Variants in PLD5 observed in about 807,000 individuals in gnomAD.
PLD5 encodes phospholipase D family member 5.
PLD5 carries 36 observed loss-of-function variants against 61.1 expected under a neutral mutation model. The observed-to-expected ratio is 0.59, with a 90% confidence interval of 0.45 to 0.78. The LOEUF is 0.78. PLD5 is among the 30% of genes least tolerant of loss of function. The pLI, the probability that PLD5 is intolerant of heterozygous loss-of-function variation, is 0.00. For synonymous variants in PLD5, 243 were observed against 242.8 expected (o/e 1.00, Z -0.01); for missense variants, 515 against 644.4 (o/e 0.80, Z 2.17).
intron 2 of PLD5, among the ~76,000 whole-genome samples, chr1:242,313,050 T>C (rs1676796965): frequency 6.6e-6 from 1 of 152,244 alleles, no homozygotes; most frequent in Non-Finnish European, 1.5e-5. Context: ...CACAGGGTTT[T>C]CCAGATGATT....
chr1:242,278,650 T>A (rs964557330), intron 3 of PLD5, among the ~76,000 whole-genome samples: 1 of 152,220 alleles, frequency 6.6e-6, no homozygotes, highest in Non-Finnish European at 1.5e-5. Context: ...AGTGTTGTTC[T>A]ACTATGCTGT....
At chr1:242,237,742 C>A (rs1220731014) in intron 4 of PLD5, among the ~76,000 whole-genome samples, 1 of 152,194 alleles carries the variant, frequency 6.6e-6, no homozygotes, top group African/African-American at 2.4e-5. Context: ...GCATGCCTGG[C>A]CACCTGCTAT....
chr1:242,277,247 C>T (rs1449532805), intron 3 of PLD5, among the ~76,000 whole-genome samples: 1 of 152,074 alleles, frequency 6.6e-6, no homozygotes, highest in Non-Finnish European at 1.5e-5. Context: ...CAGAATGTGC[C>T]AAATATCCCC....
At chr1:242,182,792 A>C (rs1004009570) in intron 5 of PLD5, among the ~76,000 whole-genome samples, 1 of 152,122 alleles carries the variant, frequency 6.6e-6, no homozygotes, top group Non-Finnish European at 1.5e-5. Flanking sequence ...GCAGTGAGGC[A>C]AGATCGCGCC....
chr1:242,465,016 ACT>A (rs1293853482), intron 1 of PLD5, among the ~76,000 whole-genome samples: 3 of 152,034 alleles, frequency 2.0e-5, no homozygotes, highest in Non-Finnish European at 4.4e-5. Flanking sequence ...ATGGCAGGTG[ACT>A]CTTTCTGGGT....
In PLD5 at chr1:242,276,445, A is replaced by G. The variant is rs570369244; in HGVS notation, c.496-10997T>C. Among the ~76,000 whole-genome samples the G allele has an allele frequency of 3.8e-4, 12 of 31,692 alleles. 2 individuals are homozygous for G. In the East Asian group the frequency reaches 0.022, roughly 58 times the overall value. The allele number at this position is 31,692 out of a possible 152,430, so 20.8% of individuals were successfully genotyped here. On this transcript the variant is annotated intron_variant, in intron 3 of 9. Transcript: ENST00000536534. The stretch of plus-strand genomic sequence containing the variant: ...GTATATATACACAAATTATATATAT[A>G]TGAATATATATGAATATTTATAAAT...
intron 5 of PLD5, among the ~76,000 whole-genome samples, chr1:242,155,546 T>C (rs1336683386): frequency 6.6e-6 from 1 of 152,222 alleles, no homozygotes; most frequent in Non-Finnish European, 1.5e-5. Context: ...TCTGGTACAT[T>C]GTGTCTTTGT....
At position 242,089,698 on chromosome 1, in the gene PLD5, T is replaced by C; in HGVS notation, c.*156A>G. Reference sequence around the variant, plus strand: ...AATTTTAGTGTACACGACGCTAAGATATTGTTAGATAGGTATTATGTGTTG... The same window carrying C: ...AATTTTAGTGTACACGACGCTAAGACATTGTTAGATAGGTATTATGTGTTG... On this transcript the variant is annotated 3_prime_UTR_variant, in exon 10 of 10. Coordinates refer to ENST00000536534, the MANE Select transcript of PLD5 (RefSeq NM_001372062.1). 1.1e-6 allele frequency: 1 copy of C among 904,238 alleles called. No individual in the cohort carries two copies. The highest frequency in any genetic ancestry group is 1.7e-5 in the South Asian group (1 of 57,854). The allele number at this position is 904,238 out of a possible 1,614,324, so 56.0% of individuals were successfully genotyped here.
At chr1:242,291,884 AAAG>A (rs1320354944) in intron 2 of PLD5, among the ~76,000 whole-genome samples, 2 of 152,248 alleles carry the variant, frequency 1.3e-5, no homozygotes, top group African/African-American at 4.8e-5. Flanking sequence ...GGAGAGTATC[AAAG>A]AAGAAAAGAC....
chr1:242,389,490 G>A (rs1449840735), intron 1 of PLD5, among the ~76,000 whole-genome samples: 3 of 151,918 alleles, frequency 2.0e-5, no homozygotes, highest in Non-Finnish European at 2.9e-5. Context: ...AACACATGGT[G>A]TCTAATAAAA....
intron 5 of PLD5, among the ~76,000 whole-genome samples, chr1:242,162,696 A>G (rs1665937705): frequency 6.7e-6 from 1 of 150,242 alleles, no homozygotes; most frequent in Non-Finnish European, 1.5e-5. Context: ...TTTCACGATC[A>G]AAGCCGTGAT....
At chr1:242,519,267 T>C (rs941830734) in intron 1 of PLD5, among the ~76,000 whole-genome samples, 17 of 152,232 alleles carry the variant, frequency 1.1e-4, no homozygotes, top group African/African-American at 3.9e-4. Context: ...TGTGACCAAG[T>C]GTGCTCCAAT....
chr1:242,340,865 T>C (rs2796097), intron 2 of PLD5, among the ~76,000 whole-genome samples: 1 of 152,176 alleles, frequency 6.6e-6, no homozygotes, highest in South Asian at 2.1e-4. Context: ...GTACTATTCA[T>C]TCAGTGCTGA....
chr1:242,260,938 A>G (rs1213321171), intron 4 of PLD5, among the ~76,000 whole-genome samples: 1 of 152,250 alleles, frequency 6.6e-6, no homozygotes, highest in Admixed American at 6.5e-5. Context: ...ATAGGCATGA[A>G]GTAAAAGATT....
At chr1:242,128,872 G>A (rs909521361) in intron 5 of PLD5, among the ~76,000 whole-genome samples, 4 of 152,168 alleles carry the variant, frequency 2.6e-5, no homozygotes, top group African/African-American at 9.7e-5. Flanking sequence ...TAAGATTGCT[G>A]TGAAGAATAA....
chr1:242,369,955 T>C (rs1040626985), intron 1 of PLD5, among the ~76,000 whole-genome samples: 4 of 152,182 alleles, frequency 2.6e-5, no homozygotes, highest in African/African-American at 9.6e-5. Flanking sequence ...ACACAGAGAA[T>C]ACCCAGAGAT....
intron 1 of PLD5, among the ~76,000 whole-genome samples, chr1:242,390,786 C>T (rs180702200): frequency 6.6e-6 from 1 of 152,214 alleles, no homozygotes; most frequent in East Asian, 1.9e-4. Flanking sequence ...TTCTTCCTAA[C>T]AAGAGACAAT....
At chr1:242,457,034 A>G (rs1666964945) in intron 1 of PLD5, among the ~76,000 whole-genome samples, 1 of 152,252 alleles carries the variant, frequency 6.6e-6, no homozygotes, top group Admixed American at 6.5e-5. Context: ...AATAAATTCC[A>G]TCATCCACTT....
chr1:242,269,139 G>A (rs1673896182), intron 3 of PLD5, among the ~76,000 whole-genome samples: 1 of 152,202 alleles, frequency 6.6e-6, no homozygotes, highest in Non-Finnish European at 1.5e-5. Flanking sequence ...CACTGTGCCC[G>A]ACCTCACTCA....
Sources: allele counts gnomAD v4.1 joint callset (sites outside exome capture counted in the v4.1 genomes callset), GRCh38; gene constraint gnomAD v4.1.1; transcripts MANE v1.5; gene names NCBI Gene and HGNC (gene_info 2026-07-23, HGNC 2026-07-21).